The following RIMBP2 variants were observed in gnomAD, a reference collection of about 807,000 sequenced individuals.
RIMBP2 encodes the protein RIMS binding protein 2.
RIMBP2 carries 48 observed loss-of-function variants against 118.6 expected under a neutral mutation model. The observed-to-expected ratio is 0.40, with a 90% CI of 0.32 to 0.51. RIMBP2 has a LOEUF of 0.51. Among genes scored for constraint, RIMBP2 ranks in the 20% least tolerant of loss-of-function variants. RIMBP2 has a pLI of 0.41. For synonymous variants in RIMBP2, 762 were observed against 742.9 expected (o/e 1.03, Z -0.42); for missense variants, 1,551 against 1,768.3 (o/e 0.88, Z 2.20).
rs138548574 is a variant in RIMBP2 at position 130,567,463 on chromosome 12, T to C, written c.-216-49546A>G. ...GATGTACTTTCCAGCCTGGAGCGTG[T>C]CTTGCCTCCTCTGGAACCCACCCTT... On this transcript the variant is annotated intron_variant, in intron 2 of 22. Transcript: ENST00000690449. Among the ~76,000 whole-genome samples the C allele has an allele frequency of 6.5e-4, 99 of 152,344 alleles. 2 individuals carry two copies. The East Asian group carries it at 0.018, about 27-fold the overall frequency.
At chr12:130,500,823 A>G (rs2049691620) in intron 4 of RIMBP2, among the ~76,000 whole-genome samples, 1 of 152,136 alleles carries the variant, frequency 6.6e-6, no homozygotes, top group African/African-American at 2.4e-5. Context: ...CGGTGGCCAC[A>G]GGATTTGGGA....
intron 22 of RIMBP2, chr12:130,397,769 A>G (rs2074175565): frequency 2.8e-6 from 1 of 357,152 alleles, no homozygotes; most frequent in Non-Finnish European, 5.0e-6. Context: ...CTCTGTCTCG[A>G]GGGAGTGCGG....
At chr12:130,660,756 T>TG (rs2063624592) in intron 1 of RIMBP2, 1 of 152,106 alleles carries the variant, frequency 6.6e-6, no homozygotes, top group African/African-American at 2.4e-5. Flanking sequence ...GCATTTGACG[T>TG]AAAGACGCCA....
At chr12:130,634,141 C>T (rs913843676) in intron 1 of RIMBP2, among the ~76,000 whole-genome samples, 1 of 152,250 alleles carries the variant, frequency 6.6e-6, no homozygotes, top group African/African-American at 2.4e-5. Flanking sequence ...ACACCACCTT[C>T]CTTTCCTCAG....
Position 130,576,829 on chromosome 12 carries a change from C to T in RIMBP2, c.-217+51493G>A, listed in dbSNP as rs2058116850. Among the ~76,000 whole-genome samples, 1 of 152,204 alleles carries T rather than the reference C, an allele frequency of 6.6e-6. No homozygotes were observed. The highest frequency in any genetic ancestry group is 1.5e-5 in the Non-Finnish European group (1 of 68,044). On this transcript the variant is annotated intron_variant, in intron 2 of 22. Transcript: ENST00000690449. This position sits in a 1 kb window ranked among gnomAD's most constrained non-coding sequence, Gnocchi z 4.2. ...AGATTGCAGGATGGCGTGTTTCCAT[C>T]GCGTGTCCAGGCGCAGTGCCTGGGA...
intron 14 of RIMBP2, 106 bp from the exon 15 acceptor site, chr12:130,428,443 C>CT (rs779001563): frequency 4.9e-6 from 6 of 1,220,352 alleles, no homozygotes; most frequent in Non-Finnish European, 6.9e-6. Flanking sequence ...ACTCACGGGG[C>CT]TCACAGGCCT....
At chr12:130,500,584 C>G (rs78243104) in intron 4 of RIMBP2, among the ~76,000 whole-genome samples, 1 of 151,766 alleles carries the variant, frequency 6.6e-6, no homozygotes, top group Non-Finnish European at 1.5e-5. Context: ...TTAAGACAGG[C>G]GGCACATCAG....
chr12:130,668,432 G>C (rs533903601), intron 1 of RIMBP2: 1 of 152,254 alleles, frequency 6.6e-6, no homozygotes, highest in Admixed American at 6.5e-5. Flanking sequence ...AAGAAACATC[G>C]GGCAGCCTGC....
intron 1 of RIMBP2, among the ~76,000 whole-genome samples, chr12:130,656,830 G>T (rs972134933): frequency 6.6e-6 from 1 of 152,034 alleles, no homozygotes; most frequent in African/African-American, 2.4e-5. Context: ...GATGGTTTGA[G>T]CCTGGGGGGA....
intron 2 of RIMBP2, among the ~76,000 whole-genome samples, chr12:130,544,279 T>C (rs994882362): frequency 2.0e-5 from 3 of 152,216 alleles, no homozygotes; most frequent in African/African-American, 7.2e-5. Context: ...TAGGTGCTTT[T>C]GTTAATCTGT....
At chr12:130,412,083 T>C (rs1244344337) in intron 19 of RIMBP2, among the ~76,000 whole-genome samples, 1 of 152,142 alleles carries the variant, frequency 6.6e-6, no homozygotes, top group East Asian at 1.9e-4. Context: ...ATAAATGTAA[T>C]GTTGCTTAAA....
intron 6 of RIMBP2, among the ~76,000 whole-genome samples, chr12:130,464,637 C>T (rs7307869): frequency 2.0e-5 from 3 of 152,190 alleles, no homozygotes; most frequent in Admixed American, 1.3e-4. Flanking sequence ...GAGACCTCCC[C>T]GGTAAGTTGG....
chr12:130,404,260 G>A (rs2074941416), intron 21 of RIMBP2, among the ~76,000 whole-genome samples: 1 of 152,104 alleles, frequency 6.6e-6, no homozygotes, highest in African/African-American at 2.4e-5. Context: ...TATATGCTAG[G>A]GGGAAAAATC....
chr12:130,701,159 G>C (rs942643477), intron 1 of RIMBP2, among the ~76,000 whole-genome samples: 3 of 152,164 alleles, frequency 2.0e-5, no homozygotes, highest in Non-Finnish European at 2.9e-5. Context: ...TTCAGCTGTA[G>C]ACAGGGAGCC....
chr12:130,399,485 T>C (rs2136252888), intron 22 of RIMBP2, among the ~76,000 whole-genome samples, 194 bp downstream of exon 22: 1 of 152,292 alleles, frequency 6.6e-6, no homozygotes, highest in South Asian at 2.1e-4. Flanking sequence ...AAAGGGTCTT[T>C]TTTTGTAAAA....
chr12:130,460,454 G>A (rs1018443809), intron 6 of RIMBP2, among the ~76,000 whole-genome samples: 1 of 152,074 alleles, frequency 6.6e-6, no homozygotes, highest in African/African-American at 2.4e-5. Context: ...TAACAGCAGT[G>A]GTAGCAATAG....
chr12:130,664,890 C>A lies in RIMBP2; in HGVS notation c.-351-36434G>T, dbSNP rs114086225. On this transcript the variant is annotated intron_variant, in intron 1 of 22. Coordinates refer to ENST00000690449, the MANE Select transcript of RIMBP2 (RefSeq NM_001393629.1). ...GGGCGGGGCAGGGAAGGCTTTCCTGCCAAGGATGGGCCCATTCACAGAGGC... is the reference window on the plus strand; with the variant it reads ...GGGCGGGGCAGGGAAGGCTTTCCTGACAAGGATGGGCCCATTCACAGAGGC... Among the ~76,000 whole-genome samples, 214 of 151,852 alleles carry A rather than the reference C, an allele frequency of 1.4e-3. 13 individuals are homozygous for A. Among genetic ancestry groups the A allele is most frequent in the African/African-American group, 5.0e-3 (204 of 41,160 alleles).
Position 130,650,715 on chromosome 12 carries a change from T to G in RIMBP2, c.-351-22259A>C, listed in dbSNP as rs73462559. Among the ~76,000 whole-genome samples, 379 of 152,272 alleles carry G rather than the reference T, an allele frequency of 2.5e-3. 3 individuals are homozygous for G. Among genetic ancestry groups the G allele is most frequent in the African/African-American group, 8.6e-3 (356 of 41,548 alleles). ...TGAAGACCCCTTTCCACCAACTCAGTAAACAAGGGAGACTCTGAGTTGTTT... is the reference window on the plus strand; with the variant it reads ...TGAAGACCCCTTTCCACCAACTCAGGAAACAAGGGAGACTCTGAGTTGTTT... On this transcript the variant is annotated intron_variant, in intron 1 of 22. Transcript: ENST00000690449.
rs140446820 is a variant in RIMBP2, at chr12:130,642,164, G to T, written c.-351-13708C>A. Among the ~76,000 whole-genome samples the T allele has an allele frequency of 1.5e-3, 228 of 152,300 alleles. 1 individual carries two copies. Among genetic ancestry groups the T allele is most frequent in the African/African-American group, 4.9e-3 (203 of 41,570 alleles). On this transcript the variant is annotated intron_variant, in intron 1 of 22. Transcript: ENST00000690449. ...TCAGGGCTCAGGGGACGGGATGTGG[G>T]AATCAAAGGCAGACCAGAAAGAGAA...
Sources: allele counts gnomAD v4.1 joint callset (sites outside exome capture counted in the v4.1 genomes callset), GRCh38; gene constraint gnomAD v4.1.1; non-coding constraint Gnocchi (gnomAD v3.1); transcripts MANE v1.5; gene names NCBI Gene and HGNC (gene_info 2026-07-23, HGNC 2026-07-21).